SND1: variants seen among roughly 807,000 people sequenced by gnomAD.
The protein encoded by SND1 is staphylococcal nuclease domain-containing protein 1.
In SND1, 38 loss-of-function variants were observed where a neutral mutation model predicts 121.7. That is an observed-to-expected ratio of 0.31 (90% CI 0.24 to 0.41). SND1 has a LOEUF of 0.41. Ranked by LOEUF, SND1 falls within the 10% of genes least tolerant of loss-of-function variation. The probability of loss-of-function intolerance (pLI) is 1.00; values close to 1 mark genes in which losing one functional copy is unlikely to be tolerated. For missense variants in SND1, 868 were observed against 1,184.6 expected (o/e 0.73, Z 3.92); for synonymous variants, 401 against 447.4 (o/e 0.90, Z 1.31).
chr7:127,845,081 C>A (rs1204610102), intron 12 of SND1, among the ~76,000 whole-genome samples: 2 of 152,202 alleles, frequency 1.3e-5, no homozygotes, highest in Non-Finnish European at 2.9e-5. Context: ...ATTTAACAAT[C>A]TTATATGCTA....
At chr7:127,830,609 T>C (rs773167532) in intron 11 of SND1, among the ~76,000 whole-genome samples, 11 of 152,088 alleles carry the variant, frequency 7.2e-5, no homozygotes, top group Non-Finnish European at 1.6e-4. Context: ...CTCTTAATGA[T>C]CCTCCTCATT....
intron 10 of SND1, among the ~76,000 whole-genome samples, chr7:127,802,518 C>T (rs1019862376): frequency 6.6e-6 from 1 of 152,162 alleles, no homozygotes; most frequent in Admixed American, 6.5e-5. Flanking sequence ...CTTGTCCACT[C>T]GTTTTCTTTT....
intron 7 of SND1, 134 bp from the exon 8 acceptor site, chr7:127,704,705 C>G (rs1562984776): frequency 2.8e-6 from 2 of 724,774 alleles, no homozygotes; most frequent in South Asian, 1.7e-5. Context: ...AGAAGCTACT[C>G]TACTGTAAAC....
chr7:127,778,433 G>A (rs1268366547), intron 10 of SND1, among the ~76,000 whole-genome samples: 4 of 152,160 alleles, frequency 2.6e-5, no homozygotes, highest in Admixed American at 6.5e-5. Context: ...TCCTGACCTT[G>A]TGATCTGCCC....
Position 127,652,414 on chromosome 7 carries a change from C to T in SND1, c.41C>T (p.Pro14Leu). 6.4e-7 allele frequency: 1 copy of T among 1,569,776 alleles called. No individual in the cohort carries two copies. The highest frequency in any genetic ancestry group is 1.2e-5 in the South Asian group (1 of 83,290). The change falls in exon 1 of 24, where the codon CCC becomes CTC. Residue 14 changes from proline to leucine, a missense_variant. This residue lies in a region of SND1 where 125 missense variants were observed against 113.3 expected (regional missense o/e 1.10). Coordinates refer to ENST00000354725, the MANE Select transcript of SND1 (RefSeq NM_014390.4). ...CAGAGCGGCGGCTCCTCCGGGGGACCCGCGGTCCCCACCGTGCAGCGGGGC... is the reference window on the plus strand; with the variant it reads ...CAGAGCGGCGGCTCCTCCGGGGGACTCGCGGTCCCCACCGTGCAGCGGGGC... ...SAQSGGSSGGPAVPTVQRGII... is the reference protein window; with the variant it reads ...SAQSGGSSGGLAVPTVQRGII...
intron 15 of SND1, among the ~76,000 whole-genome samples, chr7:127,943,222 A>G (rs113453543): frequency 0.032 from 4,919 of 152,248 alleles, 127 homozygotes; most frequent in Non-Finnish European, 0.048. Flanking sequence ...CTTACCTGGA[A>G]TCTATTGATT....
chr7:127,840,537 G>C (rs1374911838), intron 11 of SND1, among the ~76,000 whole-genome samples: 2 of 152,148 alleles, frequency 1.3e-5, no homozygotes, highest in African/African-American at 2.4e-5. Context: ...CTTCTCTCAT[G>C]CCGTTTTATA....
intron 10 of SND1, among the ~76,000 whole-genome samples, chr7:127,746,716 T>TG (rs1200239751): frequency 6.6e-6 from 1 of 152,184 alleles, no homozygotes; most frequent in Admixed American, 6.5e-5. Context: ...CTTTTGAGTA[T>TG]GGTGGTGTCT....
intron 14 of SND1, among the ~76,000 whole-genome samples, chr7:127,922,093 C>G (rs1800718743): frequency 1.3e-5 from 2 of 150,732 alleles, no homozygotes; most frequent in Admixed American, 6.6e-5. Flanking sequence ...CAGGCTTAAG[C>G]TATCCTCCCA....
intron 10 of SND1, among the ~76,000 whole-genome samples, chr7:127,752,643 A>G (rs12533846): frequency 0.35 from 52,871 of 152,128 alleles, 9,812 homozygotes; most frequent in Admixed American, 0.43. Flanking sequence ...TTTGTGGACC[A>G]GGCACTCTTT....
intron 12 of SND1, among the ~76,000 whole-genome samples, chr7:127,866,909 C>T (rs954544458): frequency 3.3e-5 from 5 of 152,128 alleles, no homozygotes; most frequent in Admixed American, 6.6e-5. Context: ...TTCCCATCTC[C>T]GTAGACAGTT....
chr7:128,020,958 G>A (rs1320947538), intron 16 of SND1, among the ~76,000 whole-genome samples: 4 of 152,074 alleles, frequency 2.6e-5, no homozygotes, highest in South Asian at 4.1e-4. Context: ...GTCTTGTCCT[G>A]TCCCTCTGCA....
intron 12 of SND1, among the ~76,000 whole-genome samples, chr7:127,877,724 C>T (rs943883248): frequency 6.6e-6 from 1 of 152,006 alleles, no homozygotes; most frequent in East Asian, 1.9e-4. Context: ...TGAGCTACCG[C>T]GTCCAGCCGA....
chr7:127,758,257 C>T (rs1210647913), intron 10 of SND1, among the ~76,000 whole-genome samples: 2 of 152,190 alleles, frequency 1.3e-5, no homozygotes, highest in Admixed American at 6.5e-5. Flanking sequence ...ACAAGGAAAT[C>T]AAAGCTCACA....
At chr7:127,734,683 C>A (rs2116419231) in intron 10 of SND1, among the ~76,000 whole-genome samples, 1 of 152,272 alleles carries the variant, frequency 6.6e-6, no homozygotes, top group South Asian at 2.1e-4. Flanking sequence ...GGCACCCTAA[C>A]ACAGTGTGCA....
At chr7:127,930,781 T>C (rs1800943144) in intron 15 of SND1, among the ~76,000 whole-genome samples, 1 of 152,204 alleles carries the variant, frequency 6.6e-6, no homozygotes, top group South Asian at 2.1e-4. Flanking sequence ...TAGTGAACTT[T>C]TGCTAGAGAG....
intron 10 of SND1, among the ~76,000 whole-genome samples, chr7:127,793,771 T>C (rs891422327): frequency 3.9e-5 from 6 of 152,182 alleles, no homozygotes; most frequent in Admixed American, 2.6e-4. Flanking sequence ...ACCGCAGTTA[T>C]AGAGCGAGAA....
At chr7:127,852,242 C>G (rs1420655401) in intron 12 of SND1, among the ~76,000 whole-genome samples, 1 of 151,758 alleles carries the variant, frequency 6.6e-6, no homozygotes, top group Non-Finnish European at 1.5e-5. Context: ...CGTCTGTAAT[C>G]CCAGCACTTT....
At chr7:128,054,096 C>T (rs189349863) in intron 16 of SND1, among the ~76,000 whole-genome samples, 15 of 152,354 alleles carry the variant, frequency 9.8e-5, no homozygotes, top group Middle Eastern at 6.8e-3. Context: ...CCCTGGGTCT[C>T]CTTTCTGGGG....
Sources: allele counts gnomAD v4.1 joint callset (sites outside exome capture counted in the v4.1 genomes callset), GRCh38; gene constraint gnomAD v4.1.1; regional missense constraint gnomAD v4.1.1; transcripts MANE v1.5; gene names NCBI Gene and HGNC (gene_info 2026-07-23, HGNC 2026-07-21).